The following CCNB3 variants were observed in gnomAD, a reference collection of about 807,000 sequenced individuals.
CCNB3 encodes cyclin B3, also known as G2/mitotic-specific cyclin-B3.
In CCNB3, 12 loss-of-function variants were observed where a neutral mutation model predicts 68.0. The ratio of observed to expected loss-of-function variants is 0.18; its 90% CI spans 0.11 to 0.29. The LOEUF (loss-of-function observed/expected upper bound fraction) is 0.29, where lower values mean the gene tolerates loss of function less well. Ranked by LOEUF, CCNB3 falls within the 10% of genes least tolerant of loss-of-function variation. CCNB3 has a pLI of 1.00. For missense variants in CCNB3, 904 were observed against 993.1 expected (o/e 0.91, Z 1.21); for synonymous variants, 354 against 388.9 (o/e 0.91, Z 1.06).
At chrX:50,298,523 A>G (rs1361328830) in intron 5 of CCNB3, among the ~76,000 whole-genome samples, 1 of 111,753 alleles carries the variant, frequency 8.9e-6, no homozygotes, top group African/African-American at 3.3e-5. Context: ...GTGCTGCTGG[A>G]TTCCTTTTGC....
At chrX:50,226,026 A>ATT (rs1935753742) in intron 1 of CCNB3, among the ~76,000 whole-genome samples, 1 of 92,380 alleles carries the variant, frequency 1.1e-5, no homozygotes, top group African/African-American at 3.9e-5. Context: ...ATACAAAAAT[A>ATT]TATATATAGA....
At chrX:50,347,351 A>G (rs1433297045) in intron 10 of CCNB3, among the ~76,000 whole-genome samples, 1 of 110,322 alleles carries the variant, frequency 9.1e-6, no homozygotes, top group East Asian at 2.9e-4. Context: ...AATGACCCAT[A>G]TAGCAAGGGG....
intron 1 of CCNB3, among the ~76,000 whole-genome samples, chrX:50,227,711 TATAA>T (rs1332035719): frequency 1.4e-4 from 1 of 7,050 alleles, no homozygotes; most frequent in African/African-American, 5.3e-4. Flanking sequence ...AGAATATATA[TATAA>T]ATATATAGAG....
At position 50,310,758 on chromosome X, in the gene CCNB3, G is replaced by A; in HGVS notation, c.2589G>A (p.Gln863=). The change falls in exon 6 of 13, where the codon CAG becomes CAA. Residue 863 remains glutamine (Q), a synonymous_variant. Coordinates refer to ENST00000376042, the MANE Select transcript of CCNB3 (RefSeq NM_033031.3). ...EAHFKETLAL[Q]EKPSIEQEAL... is the part of the protein sequence containing the mutation. Reference sequence around the variant, plus strand: ...ACTTTAAGGAAACTTTGGCCTTGCAGGAGAAGCCCAGCATTGAGCAGGAGG... The same window carrying A: ...ACTTTAAGGAAACTTTGGCCTTGCAAGAGAAGCCCAGCATTGAGCAGGAGG... 1 of 1,211,245 alleles carries A rather than the reference G, an allele frequency of 8.3e-7. No individual in the cohort carries two copies. Among genetic ancestry groups the A allele is most frequent in the Non-Finnish European group, 1.1e-6 (1 of 895,311 alleles).
chrX:50,206,458 G>C (rs1262230480), intron 1 of CCNB3, among the ~76,000 whole-genome samples: 41 of 108,008 alleles, frequency 3.8e-4, no homozygotes, highest in Non-Finnish European at 2.1e-4. Context: ...TGTGGTGCCC[G>C]CCTGTAGTCC....
intron 1 of CCNB3, among the ~76,000 whole-genome samples, chrX:50,228,963 C>CAGAATATATATAT: frequency 0.077 from 1 of 13 alleles, no homozygotes; most frequent in Admixed American, 0.5. Flanking sequence ...TAAATATACA[C>CAGAATATATATAT]ANNNNNNNNN....
intron 4 of CCNB3, among the ~76,000 whole-genome samples, chrX:50,291,032 TATTATTAG>T (rs1557210045): frequency 9.0e-6 from 1 of 111,717 alleles, no homozygotes; most frequent in African/African-American, 3.3e-5. Flanking sequence ...TTACAGTCAG[TATTATTAG>T]GTCTCCATGT....
At position 50,351,724 on chromosome X, in the gene CCNB3, A is replaced by G. The variant is rs782571801; in HGVS notation, c.*21A>G. On this transcript the variant is annotated 3_prime_UTR_variant, in exon 13 of 13. Coordinates refer to ENST00000376042, the MANE Select transcript of CCNB3 (RefSeq NM_033031.3). ...TCTAGCAGCAGCCACAGGGCTAAGC[A>G]TGCATGTTAACAGGGTATATTTATT... The G allele has an allele frequency of 4.5e-6, 5 of 1,112,987 alleles. No individual in the cohort carries two copies. The highest frequency in any genetic ancestry group is 3.6e-5 in the African/African-American group (2 of 55,879). The allele number at this position is 1,112,987 out of a possible 1,213,427, so 91.7% of individuals were successfully genotyped here.
intron 5 of CCNB3, among the ~76,000 whole-genome samples, chrX:50,305,276 C>G (rs1557213332): frequency 8.9e-6 from 1 of 111,838 alleles, no homozygotes; most frequent in Non-Finnish European, 1.9e-5. Context: ...CAATGATAGA[C>G]TGGATTAAGA....
At chrX:50,317,652 C>A (rs1045633964) in intron 8 of CCNB3, among the ~76,000 whole-genome samples, 1 of 110,096 alleles carries the variant, frequency 9.1e-6, no homozygotes, top group African/African-American at 3.3e-5. Context: ...TTACTGCAAC[C>A]TCCGCCTCCC....
chrX:50,224,485 G>A (rs1483913701), intron 1 of CCNB3, among the ~76,000 whole-genome samples: 1 of 111,564 alleles, frequency 9.0e-6, no homozygotes, highest in Admixed American at 9.6e-5. Context: ...GGAAAAATAC[G>A]TTTAAACATT....
rs1602222563 is a variant in CCNB3 at position 50,308,780 on chromosome X, A to G, written c.611A>G (p.Asp204Gly). The G allele has an allele frequency of 8.3e-7, 1 of 1,211,753 alleles. No homozygotes were observed. The highest frequency in any genetic ancestry group is 1.7e-5 in the African/African-American group (1 of 57,821). The stretch of plus-strand genomic sequence containing the variant: ...CTGCAGGAGGAGAGTGACAGTGATG[A>G]TGCGTTTGTTATAGAGCCAATGACT... ...QPLQEESDSD[D>G]AFVIEPMTFK... Residue 204 changes from aspartate (D) to glycine (G), a missense_variant, in exon 6 of 13, where the codon GAT becomes GGT. Coordinates refer to ENST00000376042, the MANE Select transcript of CCNB3 (RefSeq NM_033031.3).
Position 50,286,937 on chromosome X carries a change from C to G in CCNB3, c.96+1678C>G, listed in dbSNP as rs781948290. On this transcript the variant is annotated intron_variant, in intron 3 of 12. Transcript: ENST00000376042. ...TGCTGGGATTACAGGCGTGAGCCGCCGCGTCGGGCTCCAGCTCTTTTAAGA... is the reference window on the plus strand; with the variant it reads ...TGCTGGGATTACAGGCGTGAGCCGCGGCGTCGGGCTCCAGCTCTTTTAAGA... 3.1e-4 allele frequency among the ~76,000 whole-genome samples: 35 copies of G among 112,496 alleles called. 1 individual carries two copies. The highest frequency in any genetic ancestry group is 5.3e-4 in the Non-Finnish European group (28 of 53,306).
chrX:50,227,634 CAT>C (rs1450412518), intron 1 of CCNB3, among the ~76,000 whole-genome samples: 3 of 9,120 alleles, frequency 3.3e-4, no homozygotes, highest in Non-Finnish European at 6.4e-4. Flanking sequence ...AGAGAGAATA[CAT>C]ATATATAGAG....
chrX:50,311,877 A>G (rs1921480897), intron 6 of CCNB3, among the ~76,000 whole-genome samples: 1 of 110,835 alleles, frequency 9.0e-6, no homozygotes, highest in Admixed American at 9.7e-5. Context: ...AAGCAATCAG[A>G]AAGTATTTAT....
At chrX:50,350,753 T>C (rs1234256303) in intron 11 of CCNB3, among the ~76,000 whole-genome samples, 1 of 109,149 alleles carries the variant, frequency 9.2e-6, no homozygotes, top group South Asian at 4.1e-4. Flanking sequence ...TGGAGTGCAG[T>C]GGTGCGATCA....
chrX:50,226,138 T>TC (rs1935765090), intron 1 of CCNB3, among the ~76,000 whole-genome samples: 1 of 76,591 alleles, frequency 1.3e-5, no homozygotes, highest in East Asian at 3.9e-4. Flanking sequence ...TATATATAAA[T>TC]ATATATTCTA....
intron 1 of CCNB3, among the ~76,000 whole-genome samples, chrX:50,212,532 A>G (rs1935499534): frequency 8.9e-6 from 1 of 111,747 alleles, no homozygotes; most frequent in Non-Finnish European, 1.9e-5. Flanking sequence ...ATACCATGTA[A>G]CTTGTCATTT....
At chrX:50,225,902 T>C (rs957495572) in intron 1 of CCNB3, among the ~76,000 whole-genome samples, 1 of 102,955 alleles carries the variant, frequency 9.7e-6, no homozygotes, top group Admixed American at 1.2e-4. Flanking sequence ...TAGGGCCAGC[T>C]TTTAGATGAT....
Sources: allele counts gnomAD v4.1 joint callset (sites outside exome capture counted in the v4.1 genomes callset), GRCh38; gene constraint gnomAD v4.1.1; transcripts MANE v1.5; gene names NCBI Gene and HGNC (gene_info 2026-07-23, HGNC 2026-07-21).